Variants in LIN28B observed in about 807,000 individuals in gnomAD.
LIN28B encodes lin-28 RNA binding posttranscriptional regulator B.
Under a neutral mutation model 21.9 loss-of-function variants are expected in LIN28B, and 5 were observed. The ratio of observed to expected loss-of-function variants is 0.23; its 90% CI spans 0.12 to 0.48. The LOEUF is 0.48. LIN28B is among the 20% of genes least tolerant of loss of function. The probability of loss-of-function intolerance (pLI) is 0.98; values close to 1 mark genes in which losing one functional copy is unlikely to be tolerated. For missense variants in LIN28B, 245 were observed against 310.5 expected, an observed-to-expected ratio of 0.79 and a Z score of 1.58; for synonymous variants, 109 against 111.3, an observed-to-expected ratio of 0.98 and a Z score of 0.13.
chr6:105,030,592 C>CTTTTTTTTTTT (rs980799980), intron 3 of LIN28B, among the ~76,000 whole-genome samples: 25 of 106,576 alleles, frequency 2.3e-4, no homozygotes, highest in African/African-American at 2.9e-4. Flanking sequence ...TTCTTTCTTT[C>CTTTTTTTTTTT]TTTTTTTTTT....
In LIN28B at chr6:105,082,669, C is replaced by T. The variant is rs188586164; in HGVS notation, c.*3886C>T. The T allele has an allele frequency of 1.3e-4, 20 of 152,664 alleles. No homozygotes were observed. The highest frequency in any genetic ancestry group is 4.6e-4 in the African/African-American group (19 of 41,534). The allele number at this position is 152,664 out of a possible 1,614,324, so 9.5% of individuals were successfully genotyped here. On this transcript the variant is annotated 3_prime_UTR_variant, in exon 4 of 4. Coordinates refer to ENST00000345080, the MANE Select transcript of LIN28B (RefSeq NM_001004317.4). The stretch of plus-strand genomic sequence containing the variant: ...TCTGTCTTACATAGCTGTCAACAGC[C>T]TCTTTAAGATGTGGTGGTTGTATGA...
upstream of LIN28B, chr6:104,957,022 G>A (rs1261332444): frequency 4.4e-6 from 6 of 1,368,606 alleles, no homozygotes; most frequent in Non-Finnish European, 5.7e-6. Flanking sequence ...AGGATACGAG[G>A]TGAAATTAGT....
At chr6:104,971,448 T>C (rs1199901228) in intron 2 of LIN28B, among the ~76,000 whole-genome samples, 1 of 152,152 alleles carries the variant, frequency 6.6e-6, no homozygotes, top group Non-Finnish European at 1.5e-5. Flanking sequence ...ATACAATCTT[T>C]TGGTCTGCTT....
chr6:104,963,208 G>T (rs867203194), intron 2 of LIN28B, among the ~76,000 whole-genome samples: 12 of 152,038 alleles, frequency 7.9e-5, no homozygotes, highest in Middle Eastern at 6.8e-3. Flanking sequence ...CACCACGCCC[G>T]GCTAATTTTT....
At chr6:104,966,478 CAG>C (rs1769861460) in intron 2 of LIN28B, among the ~76,000 whole-genome samples, 1 of 151,924 alleles carries the variant, frequency 6.6e-6, no homozygotes, top group Non-Finnish European at 1.5e-5. Context: ...TGTTTTGAGA[CAG>C]AGTATTGCTC....
At position 105,080,827 on chromosome 6, in the gene LIN28B, A is replaced by G. The variant is rs960821776; in HGVS notation, c.*2044A>G. 5.2e-5 allele frequency: 8 copies of G among 152,672 alleles called. No individual in the cohort carries two copies. The highest frequency in any genetic ancestry group is 1.2e-4 in the Non-Finnish European group (8 of 68,052). 9.5% of individuals were successfully genotyped at this position (152,672 alleles called of 1,614,324 possible). On this transcript the variant is annotated 3_prime_UTR_variant, in exon 4 of 4. Coordinates refer to ENST00000345080, the MANE Select transcript of LIN28B (RefSeq NM_001004317.4). ...TAACAGTAAAAATGCAAAACATGAT[A>G]GATAAGTCACTTTGAAAATTCAAAC... is the stretch of plus-strand genomic sequence containing the variant.
In LIN28B at chr6:105,079,722, A is replaced by T. The variant is rs1048253859; in HGVS notation, c.*939A>T. 2.0e-5 allele frequency: 3 copies of T among 152,336 alleles called. No individual in the cohort carries two copies. The highest frequency in any genetic ancestry group is 4.4e-5 in the Non-Finnish European group (3 of 68,044). 9.4% of individuals were successfully genotyped at this position (152,336 alleles called of 1,614,324 possible). On this transcript the variant is annotated 3_prime_UTR_variant, in exon 4 of 4. Transcript: ENST00000345080. ...TAACTCAATCTTCTACCCATTGCTTAGAGCAGGGAGCCCTCCTTATTTACT... is the reference window on the plus strand; with the variant it reads ...TAACTCAATCTTCTACCCATTGCTTTGAGCAGGGAGCCCTCCTTATTTACT...
chr6:105,015,349 T>G (rs1014972398), intron 2 of LIN28B, among the ~76,000 whole-genome samples: 3 of 152,186 alleles, frequency 2.0e-5, no homozygotes, highest in South Asian at 2.1e-4. Flanking sequence ...AGCTGTAGCC[T>G]TATTATTGTT....
At chr6:105,046,506 A>G (rs1771766979) in intron 3 of LIN28B, among the ~76,000 whole-genome samples, 1 of 152,186 alleles carries the variant, frequency 6.6e-6, no homozygotes, top group South Asian at 2.1e-4. Flanking sequence ...TAGCAGCATG[A>G]TTTATAATCC....
chr6:104,976,413 G>A (rs554024417), intron 2 of LIN28B, among the ~76,000 whole-genome samples: 1 of 152,324 alleles, frequency 6.6e-6, no homozygotes, highest in South Asian at 2.1e-4. Context: ...TCTAACAGAA[G>A]AAGGAGTTGT....
At chr6:104,945,213 T>C (rs1778142747) in intron 2 of LIN28B, among the ~76,000 whole-genome samples, 1 of 152,108 alleles carries the variant, frequency 6.6e-6, no homozygotes, top group African/African-American at 2.4e-5. Flanking sequence ...TGTTATAATC[T>C]CCTCTGTTAG....
In LIN28B at chr6:105,063,638, G is replaced by GC. The variant is rs1384289439; in HGVS notation, c.384-14776_384-14775insC. Among the ~76,000 whole-genome samples, 64 of 100,806 alleles carry GC rather than the reference G, an allele frequency of 6.3e-4. 1 individual carries two copies. In the South Asian group the frequency reaches 7.7e-3, roughly 12 times the overall value. The allele number at this position is 100,806 out of a possible 152,430, so 66.1% of individuals were successfully genotyped here. A position where few individuals can be genotyped will look rare whatever the true frequency, so the allele number is the denominator to read the frequency against. Reference sequence around the variant, plus strand: ...GCGACAGAGCAAGACTCCATCTCGGGGGGGGGGGGGAAAAAAAGGTAAAGT... The same window carrying GC: ...GCGACAGAGCAAGACTCCATCTCGGGCGGGGGGGGGGAAAAAAAGGTAAAGT... On this transcript the variant is annotated intron_variant, in intron 3 of 3. Transcript: ENST00000345080.
intron 3 of LIN28B, among the ~76,000 whole-genome samples, chr6:105,040,859 A>G (rs1407958512): frequency 1.7e-5 from 1 of 60,168 alleles, no homozygotes; most frequent in Non-Finnish European, 3.6e-5. Flanking sequence ...AGATTTTCTT[A>G]TATCTTTAAA....
intron 2 of LIN28B, among the ~76,000 whole-genome samples, chr6:104,995,378 G>A (rs542881600): frequency 3.9e-5 from 6 of 152,246 alleles, no homozygotes; most frequent in South Asian, 2.1e-4. Flanking sequence ...TGAGTGGATC[G>A]GAGAGACAGA....
intron 3 of LIN28B, chr6:104,950,563 T>C: frequency 9.6e-7 from 1 of 1,045,034 alleles, no homozygotes; most frequent in Non-Finnish European, 1.2e-6. Flanking sequence ...TTTTAAAAGA[T>C]CAAGATCGCT....
chr6:105,024,525 A>G lies in LIN28B; in HGVS notation c.199-1773A>G, dbSNP rs185086940. ...AGGAAAAAATGAGAAGATGCTTTAG[A>G]AATGTTAAAATAGCTTTAATAATAA... On this transcript the variant is annotated intron_variant, in intron 2 of 3. Coordinates refer to ENST00000345080, the MANE Select transcript of LIN28B (RefSeq NM_001004317.4). 3.0e-3 allele frequency among the ~76,000 whole-genome samples: 452 copies of G among 152,298 alleles called. 3 individuals carry two copies. The highest frequency in any genetic ancestry group is 3.4e-3 in the Middle Eastern group (1 of 294).
At chr6:104,991,419 G>A (rs544972556) in intron 2 of LIN28B, among the ~76,000 whole-genome samples, 46 of 150,336 alleles carry the variant, frequency 3.1e-4, no homozygotes, top group African/African-American at 8.8e-4. Flanking sequence ...CAGACGGGGC[G>A]GCGGGGCAGA....
At chr6:105,073,204 A>G (rs1772365990) in intron 3 of LIN28B, among the ~76,000 whole-genome samples, 1 of 152,216 alleles carries the variant, frequency 6.6e-6, no homozygotes, top group Non-Finnish European at 1.5e-5. Context: ...GTATTAAAAC[A>G]TACTAGAATA....
rs759915173 is a variant in LIN28B at position 104,958,272 on chromosome 6, G to A, written c.184G>A (p.Val62Ile). ...AAGCCCCTTGGATATTCCAGTCGAT[G>A]TATTTGTACACCAAGTAAGCCAAAC... ...EGSPLDIPVD[V>I]FVHQSKLFME... Residue 62 changes from valine (V) to isoleucine (I), a missense_variant, in exon 2 of 4, where the codon GTA (valine) becomes ATA (isoleucine). Transcript: ENST00000345080. 1.3e-6 allele frequency: 2 copies of A among 1,560,492 alleles called. No individual in the cohort carries two copies. Among genetic ancestry groups the A allele is most frequent in the South Asian group, 2.4e-5 (2 of 83,142 alleles).
Sources: gnomAD v4.1 joint callset for allele counts (sites outside exome capture counted in the v4.1 genomes callset) on GRCh38, gnomAD v4.1.1 for gene constraint, MANE v1.5 for transcripts, NCBI Gene and HGNC (gene_info 2026-07-23, HGNC 2026-07-21) for gene names.